Variants in APBA1 observed in about 807,000 individuals in gnomAD.
The protein encoded by APBA1 is amyloid-beta A4 precursor protein-binding family A member 1.
In APBA1, 55 loss-of-function variants were observed where a neutral mutation model predicts 86.6. That is an observed-to-expected ratio of 0.64 (90% CI 0.51 to 0.80). The LOEUF (loss-of-function observed/expected upper bound fraction) is 0.80, where lower values mean the gene tolerates loss of function less well. APBA1 is among the 30% of genes least tolerant of loss of function. The pLI is 0.00. For synonymous variants in APBA1, 511 were observed against 493.9 expected (o/e 1.03, Z -0.46); for missense variants, 1,090 against 1,183.0 (o/e 0.92, Z 1.15).
chr9:69,471,179 T>C (rs540445825), intron 4 of APBA1, among the ~76,000 whole-genome samples: 2 of 152,342 alleles, frequency 1.3e-5, no homozygotes, highest in East Asian at 3.9e-4. Flanking sequence ...GAACAGAACC[T>C]GGCAGAGTAA....
Position 69,516,482 on chromosome 9 carries a change from G to T in APBA1, c.729C>A (p.Asp243Glu), listed in dbSNP as rs1379920586. The change falls in exon 2 of 13, where the codon GAC becomes GAA. Residue 243 changes from aspartate (D) to glutamate (E), a missense_variant. Around this residue, in one of 6 missense-constraint regions of APBA1, gnomAD observed 678 missense variants for 647.1 expected, o/e 1.05. Coordinates refer to ENST00000265381, the MANE Select transcript of APBA1 (RefSeq NM_001163.4). The surrounding 1 kb of genome is among the most constrained non-coding windows in gnomAD (Gnocchi z 7.3). ...CCTTCTCGGGGCTGTCGGACTCGCC[G>T]TCGGAGCGCTCGTCGTAATGGTGCA... Reference protein sequence around the residue: ...ARLHHYDERSDGESDSPEKEA... With the variant: ...ARLHHYDERSEGESDSPEKEA... 6.3e-7 allele frequency: 1 copy of T among 1,599,830 alleles called. No individual in the cohort carries two copies. Among genetic ancestry groups the T allele is most frequent in the Non-Finnish European group, 8.5e-7 (1 of 1,178,240 alleles).
chr9:69,640,755 C>T (rs1823270381), intron 1 of APBA1, among the ~76,000 whole-genome samples: 1 of 152,068 alleles, frequency 6.6e-6, no homozygotes, highest in Non-Finnish European at 1.5e-5. Context: ...AATAAAAACT[C>T]TCAACAAACT....
At chr9:69,522,129 T>C (rs1836263933) in intron 1 of APBA1, among the ~76,000 whole-genome samples, 5 of 151,778 alleles carry the variant, frequency 3.3e-5, no homozygotes. Flanking sequence ...TGTATATATA[T>C]AAAATTTATC....
intron 1 of APBA1, among the ~76,000 whole-genome samples, chr9:69,595,105 T>G (rs1822203406): frequency 6.6e-6 from 1 of 152,148 alleles, no homozygotes; most frequent in Non-Finnish European, 1.5e-5. Context: ...CAGTTCACTT[T>G]CAAGGTGATG....
At chr9:69,443,413 G>A (rs1296043718) in intron 10 of APBA1, among the ~76,000 whole-genome samples, 1 of 152,222 alleles carries the variant, frequency 6.6e-6, no homozygotes, top group Non-Finnish European at 1.5e-5. Context: ...AGTGTGCTCA[G>A]TGAGAGCAGG....
At chr9:69,489,406 T>TGG (rs761655680) in intron 2 of APBA1, among the ~76,000 whole-genome samples, 10 of 152,216 alleles carry the variant, frequency 6.6e-5, no homozygotes, top group African/African-American at 1.9e-4. Flanking sequence ...TAAATGGTGC[T>TGG]GAAAACTGGC....
chr9:69,470,226 A>G (rs1447133939), intron 4 of APBA1, among the ~76,000 whole-genome samples: 1 of 152,230 alleles, frequency 6.6e-6, no homozygotes, highest in East Asian at 1.9e-4. Flanking sequence ...CAATTTCATA[A>G]GTTCACTTTG....
intron 2 of APBA1, among the ~76,000 whole-genome samples, chr9:69,481,313 A>T (rs901719086): frequency 6.6e-6 from 1 of 152,072 alleles, no homozygotes; most frequent in African/African-American, 2.4e-5. Context: ...AATCACAAGC[A>T]TTCTTATACA....
At chr9:69,620,095 T>G (rs1384907148) in intron 1 of APBA1, among the ~76,000 whole-genome samples, 1 of 152,214 alleles carries the variant, frequency 6.6e-6, no homozygotes, top group African/African-American at 2.4e-5. Flanking sequence ...TCTGGAAAAC[T>G]AGGTCCTTGC....
At chr9:69,651,474 C>T (rs769282618) in intron 1 of APBA1, among the ~76,000 whole-genome samples, 1 of 151,938 alleles carries the variant, frequency 6.6e-6, no homozygotes. Context: ...TAATGACTGA[C>T]TGTATTTTTT....
intron 10 of APBA1, among the ~76,000 whole-genome samples, chr9:69,444,933 TCTCTCTAATCACAC>T (rs1834883655): frequency 6.6e-6 from 1 of 152,274 alleles, no homozygotes; most frequent in East Asian, 1.9e-4. Flanking sequence ...TTCACCCTTT[TCTCTCTAATCACAC>T]ACCAGGAGAC....
rs764468696 is a variant in APBA1 at position 69,432,523 on chromosome 9, G to A, written c.2442+13C>T. 14 of 1,524,000 alleles carry A rather than the reference G, an allele frequency of 9.2e-6. No individual in the cohort carries two copies. Among genetic ancestry groups the A allele is most frequent in the South Asian group, 1.3e-5 (1 of 76,766 alleles). 94.4% of individuals were successfully genotyped at this position (1,524,000 alleles called of 1,614,324 possible). ...GGCCCTCAGCACCACCCTCAGCCCC[G>A]GACCTCTCCTACCTCCCCAACAGCA... On this transcript the variant is annotated intron_variant, in intron 12 of 12. Transcript: ENST00000265381.
intron 1 of APBA1, among the ~76,000 whole-genome samples, chr9:69,627,041 GC>G: frequency 6.6e-6 from 1 of 152,146 alleles, no homozygotes; most frequent in Admixed American, 6.6e-5. Context: ...CTCATACAAT[GC>G]TGACCTACTC....
chr9:69,471,758 T>C, intron 3 of APBA1, 63 bp from the exon 4 acceptor site: 1 of 1,299,072 alleles, frequency 7.7e-7, no homozygotes. Context: ...ATTAACACAA[T>C]CATCCATGCA....
intron 1 of APBA1, among the ~76,000 whole-genome samples, chr9:69,519,830 AATCGGTGAATGGTGCC>A (rs2133894033): frequency 6.6e-6 from 1 of 152,356 alleles, no homozygotes; most frequent in East Asian, 1.9e-4. Context: ...TCTGGGTTAA[AATCGGTGAATGGTGCC>A]CTCTTATAAC....
chr9:69,523,450 C>T (rs1836284563), intron 1 of APBA1, among the ~76,000 whole-genome samples: 1 of 125,180 alleles, frequency 8.0e-6, no homozygotes, highest in South Asian at 2.6e-4. Context: ...GAAAGCTTAG[C>T]TATCATGTAT....
At chr9:69,524,503 AAC>A (rs1836312165) in intron 1 of APBA1, among the ~76,000 whole-genome samples, 1 of 152,052 alleles carries the variant, frequency 6.6e-6, no homozygotes, top group African/African-American at 2.4e-5. Context: ...AATTCCTGGA[AAC>A]ACACACTCTC....
intron 1 of APBA1, among the ~76,000 whole-genome samples, chr9:69,592,008 A>C (rs550360093): frequency 6.6e-6 from 1 of 152,314 alleles, no homozygotes; most frequent in Admixed American, 6.5e-5. Context: ...CTCGTTTCCT[A>C]AGCTGACTTT....
intron 1 of APBA1, among the ~76,000 whole-genome samples, chr9:69,525,250 T>C (rs1836323351): frequency 6.6e-6 from 1 of 152,028 alleles, no homozygotes. Context: ...CAAGAGAAAC[T>C]AATTAAAGGC....
Sources: gnomAD v4.1 joint callset for allele counts (sites outside exome capture counted in the v4.1 genomes callset) on GRCh38, gnomAD v4.1.1 for gene constraint, gnomAD v4.1.1 regional missense constraint, Gnocchi (gnomAD v3.1) non-coding constraint, MANE v1.5 for transcripts, NCBI Gene and HGNC (gene_info 2026-07-23, HGNC 2026-07-21) for gene names.